Variants in FAT3 observed in about 807,000 individuals in gnomAD.
The protein encoded by FAT3 is protocadherin Fat 3.
Under a neutral mutation model 310.2 loss-of-function variants are expected in FAT3, and 95 were observed. The observed-to-expected ratio is 0.31, with a 90% CI of 0.26 to 0.36. FAT3 has a LOEUF of 0.36. Ranked by LOEUF, FAT3 falls within the 10% of genes least tolerant of loss-of-function variation. The pLI is 1.00. For missense variants in FAT3, 5,408 were observed against 5,715.6 expected (o/e 0.95, Z 1.74); for synonymous variants, 2,314 against 2,192.9 (o/e 1.06, Z -1.54).
intron 7 of FAT3, among the ~76,000 whole-genome samples, chr11:92,777,630 G>A (rs1591718794): frequency 6.6e-6 from 1 of 152,218 alleles, no homozygotes; most frequent in Non-Finnish European, 1.5e-5. Context: ...TACAATGTTA[G>A]TATTTGGCAA....
chr11:92,404,443 C>T (rs369887619), intron 2 of FAT3, among the ~76,000 whole-genome samples: 43 of 151,948 alleles, frequency 2.8e-4, no homozygotes, highest in African/African-American at 1.0e-3. Context: ...AACCTAGTAG[C>T]TAATCCACCT....
rs78288425 is a variant in FAT3, at chr11:92,544,331, C to T, written c.3607+19383C>T. The stretch of plus-strand genomic sequence containing the variant: ...TAGGGTAACTATAGTTAACAGTAAT[C>T]AATTGTACATTTCAAAATAGCTAGA... On this transcript the variant is annotated intron_variant, in intron 3 of 27. Transcript: ENST00000525166. 3.8e-3 allele frequency among the ~76,000 whole-genome samples: 583 copies of T among 152,148 alleles called. 4 individuals carry two copies. Among genetic ancestry groups the T allele is most frequent in the African/African-American group, 0.013 (548 of 41,526 alleles).
chr11:92,646,191 C>T (rs903229010), intron 3 of FAT3, among the ~76,000 whole-genome samples: 2 of 152,110 alleles, frequency 1.3e-5, no homozygotes, highest in African/African-American at 4.8e-5. Flanking sequence ...GATGGACTGT[C>T]TAGAGAGCCC....
At chr11:92,296,853 G>C (rs1338494232) in intron 1 of FAT3, among the ~76,000 whole-genome samples, 1 of 152,036 alleles carries the variant, frequency 6.6e-6, no homozygotes, top group East Asian at 1.9e-4. Flanking sequence ...ACCTAGACAA[G>C]AGTACTGACT....
At chr11:92,830,859 A>G (rs1846161432) in intron 13 of FAT3, among the ~76,000 whole-genome samples, 1 of 152,066 alleles carries the variant, frequency 6.6e-6, no homozygotes, top group African/African-American at 2.4e-5. Context: ...CGCCACCTCC[A>G]AGTTCAGAAT....
At chr11:92,330,911 TGGTAATGGA>T (rs2134535045) in intron 1 of FAT3, among the ~76,000 whole-genome samples, 1 of 152,000 alleles carries the variant, frequency 6.6e-6, no homozygotes, top group South Asian at 2.1e-4. Flanking sequence ...TTGCAAATTA[TGGTAATGGA>T]GTAAAGGAAG....
chr11:92,456,747 T>G (rs1266802366), intron 2 of FAT3, among the ~76,000 whole-genome samples: 3 of 152,192 alleles, frequency 2.0e-5, no homozygotes, highest in Non-Finnish European at 2.9e-5. Flanking sequence ...TAATAAATAT[T>G]TATCAGCCAT....
chr11:92,647,466 C>G (rs910401259), intron 3 of FAT3, among the ~76,000 whole-genome samples: 7 of 152,122 alleles, frequency 4.6e-5, no homozygotes, highest in African/African-American at 1.7e-4. Flanking sequence ...ACTGGAAAAA[C>G]TCTACATCAA....
intron 1 of FAT3, among the ~76,000 whole-genome samples, chr11:92,287,291 A>G (rs1946583958): frequency 6.6e-6 from 1 of 152,188 alleles, no homozygotes; most frequent in South Asian, 2.1e-4. Flanking sequence ...GGAATAGGCT[A>G]TAAATGGTAA....
intron 4 of FAT3, among the ~76,000 whole-genome samples, chr11:92,731,278 T>G (rs1945170690): frequency 6.6e-6 from 1 of 152,114 alleles, no homozygotes; most frequent in Admixed American, 6.5e-5. Context: ...CAGGGGACAT[T>G]TAGAAATGCC....
At chr11:92,397,755 ATT>A (rs569826914) in intron 2 of FAT3, among the ~76,000 whole-genome samples, 74 of 135,022 alleles carry the variant, frequency 5.5e-4, no homozygotes, top group Middle Eastern at 3.9e-3. Context: ...CCTTCCCAGA[ATT>A]TTTTTTTTTT....
At chr11:92,610,392 T>G (rs889283021) in intron 3 of FAT3, among the ~76,000 whole-genome samples, 11 of 152,218 alleles carry the variant, frequency 7.2e-5, no homozygotes, top group Non-Finnish European at 1.0e-4. Context: ...ATCTGAAAAT[T>G]CTTTGATAAT....
intron 2 of FAT3, among the ~76,000 whole-genome samples, chr11:92,490,897 C>T (rs1952580959): frequency 6.6e-6 from 1 of 151,986 alleles, no homozygotes; most frequent in South Asian, 2.1e-4. Context: ...ATTAGCTTCA[C>T]TTTTTAGATA....
intron 3 of FAT3, among the ~76,000 whole-genome samples, chr11:92,534,974 G>A (rs1954205381): frequency 6.6e-6 from 1 of 152,170 alleles, no homozygotes; most frequent in African/African-American, 2.4e-5. Context: ...GTAATAAGGG[G>A]CAATGTAGCA....
Position 92,890,742 on chromosome 11 carries a change from C to T in FAT3, c.13399C>T (p.Pro4467Ser), listed in dbSNP as rs1949899581. The change falls in exon 28 of 28, where the codon CCA becomes TCA. Residue 4467 changes from proline (P) to serine (S), a missense_variant. By Grantham distance (74) the Pro-to-Ser change is moderately conservative. This residue lies in a region of FAT3 where 649 missense variants were observed against 666.2 expected (regional missense o/e 0.97). Coordinates refer to ENST00000525166, the MANE Select transcript of FAT3 (RefSeq NM_001367949.2). ...EDFPDQYEALPPSQPVSLAST... is the reference protein window; with the variant it reads ...EDFPDQYEALSPSQPVSLAST... ...CTTCCCAGACCAATATGAGGCCCTG[C>T]CACCCTCCCAGCCTGTCTCCCTGGC... 1.2e-6 allele frequency: 2 copies of T among 1,613,564 alleles called. No individual in the cohort carries two copies. The highest frequency in any genetic ancestry group is 1.7e-5 in the Admixed American group (1 of 59,950).
chr11:92,566,237 C>A (rs1955436792), intron 3 of FAT3, among the ~76,000 whole-genome samples: 1 of 152,062 alleles, frequency 6.6e-6, no homozygotes, highest in South Asian at 2.1e-4. Flanking sequence ...TCTTATACAC[C>A]AATAACAGAC....
intron 3 of FAT3, among the ~76,000 whole-genome samples, chr11:92,564,571 C>G (rs1955360318): frequency 6.6e-6 from 1 of 152,190 alleles, no homozygotes; most frequent in Admixed American, 6.5e-5. Context: ...CACCCCAAAT[C>G]AACAGAATAT....
At chr11:92,418,419 A>AACC (rs1950461660) in intron 2 of FAT3, among the ~76,000 whole-genome samples, 2 of 39,490 alleles carry the variant, frequency 5.1e-5, no homozygotes, top group Admixed American at 6.5e-4. Context: ...AAAGTTAAAC[A>AACC]CCCCCCCCAC....
intron 3 of FAT3, among the ~76,000 whole-genome samples, chr11:92,590,338 C>T (rs506997): frequency 0.57 from 86,932 of 151,960 alleles, 26,596 homozygotes; most frequent in African/African-American, 0.8. Flanking sequence ...AGGAAGGCTG[C>T]GTCTGACAGA....
Sources: gnomAD v4.1 joint callset for allele counts (sites outside exome capture counted in the v4.1 genomes callset) on GRCh38, gnomAD v4.1.1 for gene constraint, gnomAD v4.1.1 regional missense constraint, MANE v1.5 for transcripts, NCBI Gene and HGNC (gene_info 2026-07-23, HGNC 2026-07-21) for gene names.